PRRC2A: variants seen among roughly 807,000 people sequenced by gnomAD.
PRRC2A encodes the protein protein PRRC2A.
A neutral mutation model predicts 224.6 loss-of-function variants in PRRC2A; 59 were observed. That is an observed-to-expected ratio of 0.26 (90% CI 0.21 to 0.33). The LOEUF (loss-of-function observed/expected upper bound fraction) is 0.33. Among genes scored for constraint, PRRC2A ranks in the 10% least tolerant of loss-of-function variants. The probability of loss-of-function intolerance (pLI) is 1.00; values close to 1 mark genes in which losing one functional copy is unlikely to be tolerated. For synonymous variants in PRRC2A, 1,194 were observed against 1,109.5 expected (o/e 1.08, Z -1.51); for missense variants, 3,095 against 2,880.7 (o/e 1.07, Z -1.70).
rs568620623 is a variant in PRRC2A, at chr6:31,635,851, G to A, written c.5541+102G>A. ...GCCTTTCTACGTTGCAGAGTTGTGA[G>A]ATACCACTTTGTCACATCATTTTTC... On this transcript the variant is annotated intron_variant, in intron 24 of 30. Transcript: ENST00000376033. 5 of 1,458,568 alleles carry A rather than the reference G, an allele frequency of 3.4e-6. No individual in the cohort carries two copies. In the African/African-American group the frequency reaches 5.7e-5, roughly 17 times the overall value. The allele number at this position is 1,458,568 out of a possible 1,614,324, so 90.4% of individuals were successfully genotyped here. A position where few individuals can be genotyped will look rare whatever the true frequency, so the allele number is the denominator to read the frequency against.
In PRRC2A at chr6:31,626,082, T is replaced by C; in HGVS notation, c.902T>C (p.Val301Ala). ...CCACCAATGCGCTTAGTAGAGCCTG[T>C]GGGTCGTCCCTCTATTCTCAAAGAG... ...SGPPMRLVEP[V>A]GRPSILKEDN... The change falls in exon 9 of 31, where the codon GTG becomes GCG. Residue 301 changes from valine to alanine, a missense_variant. Val to Ala is a moderately conservative substitution (Grantham distance 64). This residue lies in a region of PRRC2A where 287 missense variants were observed against 275.3 expected (regional missense o/e 1.04). Transcript: ENST00000376033. 1 of 1,612,994 alleles carries C rather than the reference T, an allele frequency of 6.2e-7. No homozygotes were observed. Among genetic ancestry groups the C allele is most frequent in the Non-Finnish European group, 8.5e-7 (1 of 1,179,964 alleles).
chr6:31,623,976 C>G (rs1775603394), intron 3 of PRRC2A, 67 bp downstream of exon 3: 1 of 1,570,294 alleles, frequency 6.4e-7, no homozygotes, highest in African/African-American at 1.4e-5. Context: ...AGCATTGGGG[C>G]TTGGTTTAGT....
chr6:31,629,379 G>C, intron 13 of PRRC2A, 45 bp downstream of exon 13: 1 of 1,525,266 alleles, frequency 6.6e-7, no homozygotes, highest in South Asian at 1.3e-5. Context: ...TTTCTTCCTG[G>C]CTTCGGTCCC....
At position 31,624,263 on chromosome 6, in the gene PRRC2A, C is replaced by T; in HGVS notation, c.293C>T (p.Ser98Phe). The part of the protein sequence containing the change: ...SKQEQSDPKS[S>F]DASTAQPPES... ...ACCTTCCCATTCTGTCCCCTCAGTT[C>T]CGATGCCTCAACCGCTCAGCCGCCG... The change falls in exon 4 of 31, where the codon TCC (serine) becomes TTC (phenylalanine). Residue 98 changes from serine to phenylalanine, a missense_variant and splice_region_variant. Physicochemically the swap from Ser to Phe is radical, Grantham distance 155. Coordinates refer to ENST00000376033, the MANE Select transcript of PRRC2A (RefSeq NM_004638.4). 6.2e-7 allele frequency: 1 copy of T among 1,613,356 alleles called. No homozygotes were observed. Among genetic ancestry groups the T allele is most frequent in the Non-Finnish European group, 8.5e-7 (1 of 1,179,862 alleles).
Position 31,629,788 on chromosome 6 carries a change from C to T in PRRC2A, c.2197C>T (p.Arg733Trp), listed in dbSNP as rs577504703. The change falls in exon 14 of 31, where the codon CGG (arginine) becomes TGG (tryptophan). Residue 733 changes from arginine to tryptophan, a missense_variant. Physicochemically the swap from Arg to Trp is moderately radical, Grantham distance 101. This residue lies in a region of PRRC2A where 2,001 missense variants were observed against 1,764.9 expected (regional missense o/e 1.13). Transcript: ENST00000376033. ...GATGATTCCTCCTTATGTGGACCCC[C>T]GGCTCCTCCAGGGTCGTCCCCCTCT... ...WMMIPPYVDPRLLQGRPPLDF... is the reference protein window; with the variant it reads ...WMMIPPYVDPWLLQGRPPLDF... 4.3e-6 allele frequency: 7 copies of T among 1,613,682 alleles called. No homozygotes were observed. Among genetic ancestry groups the T allele is most frequent in the South Asian group, 2.2e-5 (2 of 91,040 alleles).
rs35012663 is a variant in PRRC2A, at chr6:31,628,710, A to T, written c.1766-434A>T. ...ACAAAAATTAGCCAAGTGTGGTGGC[A>T]TGTGCTTGTAGTCCCAGCTGCTTGG... On this transcript the variant is annotated intron_variant, in intron 12 of 30. Transcript: ENST00000376033. 2,175 of 218,800 alleles carry T rather than the reference A, an allele frequency of 9.9e-3. 16 individuals are homozygous for T. Among genetic ancestry groups the T allele is most frequent in the South Asian group, 0.032 (382 of 11,882 alleles). The allele number at this position is 218,800 out of a possible 1,614,324, so 13.6% of individuals were successfully genotyped here.
rs781644251 is a variant in PRRC2A, at chr6:31,629,194, C to T, written c.1816C>T (p.Pro606Ser). Residue 606 changes from proline (P) to serine (S), a missense_variant, in exon 13 of 31, where the codon CCT (proline) becomes TCT (serine). Pro to Ser is a moderately conservative substitution (Grantham distance 74). Coordinates refer to ENST00000376033, the MANE Select transcript of PRRC2A (RefSeq NM_004638.4). ...GGGTCCTGAACCACCAGAAGAGGTTCCTCCTCCTACCACACCCCCAGTTCC... is the reference window on the plus strand; with the variant it reads ...GGGTCCTGAACCACCAGAAGAGGTTTCTCCTCCTACCACACCCCCAGTTCC... ...KEGPEPPEEV[P>S]PPTTPPVPKV... 2.5e-6 allele frequency: 4 copies of T among 1,613,892 alleles called. No individual in the cohort carries two copies. Among genetic ancestry groups the T allele is most frequent in the Admixed American group, 3.3e-5 (2 of 60,000 alleles).
Position 31,637,117 on chromosome 6 carries a change from C to G in PRRC2A, c.6223C>G (p.Arg2075Gly). 1 of 1,610,888 alleles carries G rather than the reference C, an allele frequency of 6.2e-7. No individual in the cohort carries two copies. ...SSNLGGPGSS[R>G]TPPTGRSFSG... is the part of the protein sequence containing the mutation. ...CAACCTTGGGGGACCTGGATCATCA[C>G]GGACTCCCCCAACTGGAAGGTGAAA... Residue 2075 changes from arginine (R) to glycine (G), a missense_variant, in exon 29 of 31, where the codon CGG becomes GGG. Physicochemically the swap from Arg to Gly is moderately radical, Grantham distance 125 (BLOSUM62 -2). Transcript: ENST00000376033.
At position 31,624,726 on chromosome 6, in the gene PRRC2A, G is replaced by A. The variant is rs142525881; in HGVS notation, c.463+204G>A. On this transcript the variant is annotated intron_variant, in intron 5 of 30. Coordinates refer to ENST00000376033, the MANE Select transcript of PRRC2A (RefSeq NM_004638.4). ...TGGTGCCAGAACTGACCTCCTTGGG[G>A]AATAAGCAGTTATTCTGTAGGGGGG... Among the ~76,000 whole-genome samples, 562 of 152,294 alleles carry A rather than the reference G, an allele frequency of 3.7e-3. 1 individual carries two copies. The highest frequency in any genetic ancestry group is 0.013 in the African/African-American group (528 of 41,556).
chr6:31,628,279 CTGCTTCAAGG>C (rs1776153063), intron 12 of PRRC2A, 40 bp downstream of exon 12: 8 of 1,575,324 alleles, frequency 5.1e-6, no homozygotes, highest in Non-Finnish European at 6.9e-6. Context: ...TGTCAGATCA[CTGCTTCAAGG>C]TGCTTAAAGG....
Position 31,629,712 on chromosome 6 carries a change from T to G in PRRC2A, c.2121T>G (p.Ala707=), listed in dbSNP as rs754857878. 1 of 1,544,152 alleles carries G rather than the reference T, an allele frequency of 6.5e-7. No homozygotes were observed. Among genetic ancestry groups the G allele is most frequent in the Non-Finnish European group, 8.9e-7 (1 of 1,122,942 alleles). The change falls in exon 14 of 31, where the codon GCT becomes GCG. Residue 707 remains alanine, a synonymous_variant. Transcript: ENST00000376033. ...CCCCCAAGGCCCTGTACCCAGGTGC[T>G]CTGGGCCGGCCCCCACCCATGCCCC... ...PPPPKALYPG[A]LGRPPPMPPM...
Position 31,630,728 on chromosome 6 carries a change from G to A in PRRC2A, c.2392G>A (p.Ala798Thr), listed in dbSNP as rs1351489109. 3 of 1,614,102 alleles carry A rather than the reference G, an allele frequency of 1.9e-6. No homozygotes were observed. Among genetic ancestry groups the A allele is most frequent in the Non-Finnish European group, 1.7e-6 (2 of 1,180,004 alleles). ...GGCCTGGGTAGGAGATGTCTTCACCGCCACACCCGCTGAACCCCGCCCACT... is the reference window on the plus strand; with the variant it reads ...GGCCTGGGTAGGAGATGTCTTCACCACCACACCCGCTGAACCCCGCCCACT... ...KLAWVGDVFT[A>T]TPAEPRPLTS... is the part of the protein sequence containing the mutation. Residue 798 changes from alanine to threonine, a missense_variant, in exon 15 of 31, where the codon GCC becomes ACC. Ala to Thr is a moderately conservative substitution (Grantham distance 58). Around this residue, in one of 8 missense-constraint regions of PRRC2A, gnomAD observed 2,001 missense variants for 1,764.9 expected, o/e 1.13. Transcript: ENST00000376033.
At chr6:31,626,906 T>A (rs1775970788) in intron 10 of PRRC2A, 44 bp downstream of exon 10, 2 of 1,612,650 alleles carry the variant, frequency 1.2e-6, no homozygotes, top group African/African-American at 2.7e-5. Flanking sequence ...GGTCTTGGTT[T>A]GTATTTTGGT....
At position 31,631,320 on chromosome 6, in the gene PRRC2A, A is replaced by G. The variant is rs558616888; in HGVS notation, c.2647A>G (p.Lys883Glu). 2.5e-6 allele frequency: 4 copies of G among 1,606,628 alleles called. No homozygotes were observed. In the African/African-American group the frequency reaches 5.4e-5, roughly 22 times the overall value. ...VAKIQTPPPK[K>E]EPPKEETAQL... Reference sequence around the variant, plus strand: ...CAAGATACAAACTCCACCACCCAAGAAGGAGCCCCCTAAGGAGGAGACTGC... The same window carrying G: ...CAAGATACAAACTCCACCACCCAAGGAGGAGCCCCCTAAGGAGGAGACTGC... Residue 883 changes from lysine to glutamate, a missense_variant, in exon 16 of 31, where the codon AAG (lysine) becomes GAG (glutamate). By Grantham distance (56) the Lys-to-Glu change is moderately conservative (BLOSUM62 1). Coordinates refer to ENST00000376033, the MANE Select transcript of PRRC2A (RefSeq NM_004638.4). The surrounding 1 kb of genome is among the most constrained non-coding windows in gnomAD (Gnocchi z 4.5).
chr6:31,628,962 A>G (rs1472813302), intron 12 of PRRC2A, 182 bp from the exon 13 acceptor site: 2 of 615,968 alleles, frequency 3.2e-6, no homozygotes, highest in African/African-American at 3.8e-5. Context: ...CCACCACCAT[A>G]GGCTCATGAG....
Position 31,631,384 on chromosome 6 carries a change from G to T in PRRC2A, c.2711G>T (p.Arg904Leu). ...CCAGAAGCAGGCCGAAAGCCTGCCC[G>T]CGGAGTCGGGAGTGGAGGCCAGGGC... ...TGPEAGRKPA[R>L]GVGSGGQGPP... is the part of the protein sequence containing the mutation. Residue 904 changes from arginine to leucine, a missense_variant, in exon 16 of 31, where the codon CGC (arginine) becomes CTC (leucine). Around this residue, in one of 8 missense-constraint regions of PRRC2A, gnomAD observed 2,001 missense variants for 1,764.9 expected, o/e 1.13. Coordinates refer to ENST00000376033, the MANE Select transcript of PRRC2A (RefSeq NM_004638.4). The surrounding 1 kb of genome is among the most constrained non-coding windows in gnomAD (Gnocchi z 4.5). 1.2e-6 allele frequency: 2 copies of T among 1,605,546 alleles called. No individual in the cohort carries two copies. Among genetic ancestry groups the T allele is most frequent in the Non-Finnish European group, 1.7e-6 (2 of 1,177,094 alleles).
chr6:31,632,413 G>A lies in PRRC2A; in HGVS notation c.3740G>A (p.Arg1247Lys). 2 of 1,609,006 alleles carry A rather than the reference G, an allele frequency of 1.2e-6. No individual in the cohort carries two copies. Among genetic ancestry groups the A allele is most frequent in the Non-Finnish European group, 8.5e-7 (1 of 1,177,282 alleles). The change falls in exon 16 of 31, where the codon AGG becomes AAG. Residue 1247 changes from arginine to lysine, a missense_variant. By Grantham distance (26) the Arg-to-Lys change is conservative. Coordinates refer to ENST00000376033, the MANE Select transcript of PRRC2A (RefSeq NM_004638.4). ...GERPRRRRHG[R>K]AQQQDKPPRF... ...CGACCCCGAAGGAGGCGACATGGGA[G>A]GGCTCAGCAGCAGGATAAACCGCCT...
rs780247061 is a variant in PRRC2A at position 31,633,909 on chromosome 6, C to T, written c.4639C>T (p.Pro1547Ser). The change falls in exon 18 of 31, where the codon CCT (proline) becomes TCT (serine). Residue 1547 changes from proline to serine, a missense_variant. Physicochemically the swap from Pro to Ser is moderately conservative, Grantham distance 74 (BLOSUM62 -1). This residue lies in a region of PRRC2A where 2,001 missense variants were observed against 1,764.9 expected (regional missense o/e 1.13). Transcript: ENST00000376033. ...GPMVRGVGGT[P>S]RDSAGVSPFP... ...AATGGTGAGAGGGGTGGGTGGGACT[C>T]CTCGGGACTCTGCCGGGGTTAGTCC... The T allele has an allele frequency of 6.3e-7, 1 of 1,585,052 alleles. No individual in the cohort carries two copies. The highest frequency in any genetic ancestry group is 1.4e-5 in the African/African-American group (1 of 72,758).
Position 31,631,232 on chromosome 6 carries a change from C to A in PRRC2A, c.2559C>A (p.Arg853=). The change falls in exon 16 of 31, where the codon CGC becomes CGA. Residue 853 remains arginine, a synonymous_variant. Coordinates refer to ENST00000376033, the MANE Select transcript of PRRC2A (RefSeq NM_004638.4). This position sits in a 1 kb window ranked among gnomAD's most constrained non-coding sequence, Gnocchi z 4.5. ...GAGCCCCTGGGCCCCCAATCTCTCG[C>A]TTTCCTCTGGAGGAACCAGGGCCCC... The part of the protein sequence containing the change: ...ENGAPGPPIS[R]FPLEEPGPRP... The A allele has an allele frequency of 1.9e-6, 3 of 1,610,650 alleles. No individual in the cohort carries two copies. Among genetic ancestry groups the A allele is most frequent in the Non-Finnish European group, 2.5e-6 (3 of 1,179,232 alleles).
Sources: gnomAD v4.1 joint callset for allele counts (sites outside exome capture counted in the v4.1 genomes callset) on GRCh38, gnomAD v4.1.1 for gene constraint, gnomAD v4.1.1 regional missense constraint, Gnocchi (gnomAD v3.1) non-coding constraint, MANE v1.5 for transcripts, NCBI Gene and HGNC (gene_info 2026-07-23, HGNC 2026-07-21) for gene names.